Variants in THSD7B observed in about 807,000 individuals in gnomAD.
The protein encoded by THSD7B is thrombospondin type-1 domain-containing protein 7B.
A neutral mutation model predicts 213.6 loss-of-function variants in THSD7B; 138 were observed. The ratio of observed to expected loss-of-function variants is 0.65; its 90% confidence interval spans 0.56 to 0.74. THSD7B has a LOEUF of 0.74. Ranked by LOEUF, THSD7B falls within the 30% of genes least tolerant of loss-of-function variation. The pLI is 0.00. For missense variants in THSD7B, 1,931 were observed against 1,991.5 expected (o/e 0.97, Z 0.58); for synonymous variants, 742 against 687.0 (o/e 1.08, Z -1.25).
At chr2:136,966,199 A>G (rs1283948426) in intron 2 of THSD7B, among the ~76,000 whole-genome samples, 1 of 143,032 alleles carries the variant, frequency 7.0e-6, no homozygotes, top group African/African-American at 2.6e-5. Flanking sequence ...CTTCAAATTC[A>G]TTTCATATTA....
At chr2:137,582,879 T>C (rs4954520) in intron 17 of THSD7B, among the ~76,000 whole-genome samples, 33,818 of 152,076 alleles carry the variant, frequency 0.22, 3,928 homozygotes, top group Middle Eastern at 0.32. Context: ...TGGGTCAAAC[T>C]GTATTTCTAG....
At chr2:136,983,377 A>ACACACACACACT (rs1342830898) in intron 2 of THSD7B, among the ~76,000 whole-genome samples, 53 of 146,408 alleles carry the variant, frequency 3.6e-4, no homozygotes, top group East Asian at 1.8e-3. Flanking sequence ...ACACGCACAC[A>ACACACACACACT]CACTCACTCT....
intron 12 of THSD7B, among the ~76,000 whole-genome samples, chr2:137,310,579 C>T (rs1427489820): frequency 7.3e-5 from 11 of 151,516 alleles, no homozygotes; most frequent in Admixed American, 2.0e-4. Flanking sequence ...AGTCCTTGCC[C>T]GTGCCTATGT....
chr2:137,310,323 T>G (rs1265520011), intron 12 of THSD7B, among the ~76,000 whole-genome samples: 2 of 148,290 alleles, frequency 1.3e-5, no homozygotes, highest in African/African-American at 2.5e-5. Context: ...TGTCTGTTCA[T>G]GTCCTTTGCC....
chr2:137,038,226 G>A (rs1686812733), intron 2 of THSD7B, among the ~76,000 whole-genome samples: 1 of 152,148 alleles, frequency 6.6e-6, no homozygotes, highest in Admixed American at 6.5e-5. Context: ...TTCTAGGAGT[G>A]GAAAGAGACT....
rs924529456 is a variant in THSD7B at position 136,927,277 on chromosome 2, T to C, written c.139+44960T>C. Among the ~76,000 whole-genome samples the C allele has an allele frequency of 2.4e-4, 16 of 67,864 alleles. No homozygotes were observed. The Admixed American group carries it at 2.5e-3, about 11-fold the overall frequency. The allele number at this position is 67,864 out of a possible 152,430, so 44.5% of individuals were successfully genotyped here. On this transcript the variant is annotated intron_variant, in intron 2 of 27. Transcript: ENST00000409968. ...TCTACATAATTAACTTGTTTTAGTC[T>C]TTTAAAAACATTACCTGCTGAGTGA...
chr2:137,499,932 G>A (rs1175589848), intron 15 of THSD7B, among the ~76,000 whole-genome samples: 1 of 152,050 alleles, frequency 6.6e-6, no homozygotes, highest in African/African-American at 2.4e-5. Context: ...TATAAATCCT[G>A]GAGGAAAAGA....
intron 17 of THSD7B, among the ~76,000 whole-genome samples, chr2:137,574,686 G>T (rs1290455477): frequency 1.3e-5 from 2 of 152,012 alleles, no homozygotes; most frequent in Non-Finnish European, 2.9e-5. Flanking sequence ...TGAAAAAATG[G>T]TAATTAGGGC....
intron 7 of THSD7B, among the ~76,000 whole-genome samples, chr2:137,210,398 T>C (rs1036097441): frequency 2.0e-5 from 3 of 152,086 alleles, no homozygotes; most frequent in African/African-American, 7.2e-5. Context: ...TTCAGAGATA[T>C]ATGGGGAAAA....
At chr2:136,999,930 T>C (rs1685970407) in intron 2 of THSD7B, among the ~76,000 whole-genome samples, 1 of 152,176 alleles carries the variant, frequency 6.6e-6, no homozygotes, top group South Asian at 2.1e-4. Context: ...CCAAATTTAA[T>C]TGTATGAAAT....
chr2:137,205,962 T>A (rs999710645), intron 7 of THSD7B, among the ~76,000 whole-genome samples: 2 of 152,074 alleles, frequency 1.3e-5, no homozygotes, highest in Admixed American at 6.6e-5. Context: ...CTAACTTATT[T>A]TCTTCTATTA....
chr2:137,373,194 C>A (rs1383446756), intron 12 of THSD7B, among the ~76,000 whole-genome samples: 1 of 152,088 alleles, frequency 6.6e-6, no homozygotes. Context: ...ATGATTTATA[C>A]TCCTTTGGGT....
intron 1 of THSD7B, among the ~76,000 whole-genome samples, chr2:136,837,156 A>G (rs1446352826): frequency 6.6e-6 from 1 of 152,168 alleles, no homozygotes; most frequent in Non-Finnish European, 1.5e-5. Flanking sequence ...ATCATGAATC[A>G]TCAAAAATAT....
At chr2:136,786,591 A>G (rs566576161) in intron 1 of THSD7B, among the ~76,000 whole-genome samples, 9 of 152,112 alleles carry the variant, frequency 5.9e-5, no homozygotes, top group Non-Finnish European at 1.3e-4. Flanking sequence ...CGTTTCATCT[A>G]AAATGTTCAT....
At chr2:136,961,088 C>CAAAAAAAAAA (rs57328048) in intron 2 of THSD7B, among the ~76,000 whole-genome samples, 5 of 39,076 alleles carry the variant, frequency 1.3e-4, no homozygotes, top group South Asian at 2.2e-3. Context: ...GACTCCGTCT[C>CAAAAAAAAAA]AAAAAAAAAA....
chr2:137,573,990 T>A (rs1183726111), intron 17 of THSD7B, among the ~76,000 whole-genome samples: 1 of 152,072 alleles, frequency 6.6e-6, no homozygotes, highest in Non-Finnish European at 1.5e-5. Flanking sequence ...CATGAGTGAG[T>A]ATTATGTTTA....
chr2:137,170,370 T>C (rs1680222524), intron 6 of THSD7B, among the ~76,000 whole-genome samples: 3 of 152,164 alleles, frequency 2.0e-5, no homozygotes, highest in South Asian at 4.1e-4. Flanking sequence ...AACAAGAATG[T>C]CAAAATCAAC....
At chr2:137,360,736 C>T (rs1489709587) in intron 12 of THSD7B, among the ~76,000 whole-genome samples, 1 of 152,208 alleles carries the variant, frequency 6.6e-6, no homozygotes, top group Non-Finnish European at 1.5e-5. Context: ...AACTGCAGCT[C>T]AACCAGGCCT....
chr2:136,984,531 A>G (rs1267433721), intron 2 of THSD7B, among the ~76,000 whole-genome samples: 2 of 152,176 alleles, frequency 1.3e-5, no homozygotes, highest in Non-Finnish European at 2.9e-5. Context: ...GGTCCTCACT[A>G]GAAGTCCAGC....
Sources: allele counts gnomAD v4.1 joint callset (sites outside exome capture counted in the v4.1 genomes callset), GRCh38; gene constraint gnomAD v4.1.1; transcripts MANE v1.5; gene names NCBI Gene and HGNC (gene_info 2026-07-23, HGNC 2026-07-21).